Variants in UNC13C observed in about 807,000 individuals in gnomAD.
The protein encoded by UNC13C is unc-13 homolog C.
Under a neutral mutation model 245.4 loss-of-function variants are expected in UNC13C, and 174 were observed. That is an observed-to-expected ratio of 0.71 (90% confidence interval 0.63 to 0.80). The LOEUF is 0.80. UNC13C is among the 30% of genes least tolerant of loss of function. The pLI, the probability that UNC13C is intolerant of heterozygous loss-of-function variation, is 0.00. For synonymous variants in UNC13C, 992 were observed against 895.1 expected (o/e 1.11, Z -1.93); for missense variants, 2,829 against 2,602.9 (o/e 1.09, Z -1.89).
chr15:54,323,621 G>C (rs1223079122), intron 14 of UNC13C, among the ~76,000 whole-genome samples: 1 of 151,944 alleles, frequency 6.6e-6, no homozygotes, highest in Non-Finnish European at 1.5e-5. Context: ...TACAGTATCA[G>C]CTACTTTTGT....
At chr15:54,225,038 T>C (rs950667028) in intron 4 of UNC13C, among the ~76,000 whole-genome samples, 2 of 151,350 alleles carry the variant, frequency 1.3e-5, no homozygotes, top group African/African-American at 2.4e-5. Flanking sequence ...TTTTTTTTTT[T>C]TTCTTATTTA....
At chr15:54,457,895 TTTTTTTTTTTCC>T (rs1891621249) in intron 19 of UNC13C, among the ~76,000 whole-genome samples, 1 of 150,984 alleles carries the variant, frequency 6.6e-6, no homozygotes, top group Non-Finnish European at 1.5e-5. Flanking sequence ...GCTTTTCGTT[TTTTTTTTTTTCC>T]TTTTTTTTTT....
chr15:54,487,837 A>C (rs1000238419), intron 19 of UNC13C, among the ~76,000 whole-genome samples: 1 of 151,088 alleles, frequency 6.6e-6, no homozygotes, highest in African/African-American at 2.4e-5. Context: ...TACAATTGTG[A>C]CTAATCTTTC....
At chr15:54,038,604 A>C (rs1185992334) in intron 2 of UNC13C, among the ~76,000 whole-genome samples, 1 of 152,136 alleles carries the variant, frequency 6.6e-6, no homozygotes, top group Non-Finnish European at 1.5e-5. Flanking sequence ...TCTTTATGAA[A>C]ACTTTGATAA....
At chr15:54,510,359 T>G (rs1316848219) in intron 23 of UNC13C, among the ~76,000 whole-genome samples, 1 of 152,110 alleles carries the variant, frequency 6.6e-6, no homozygotes, top group Non-Finnish European at 1.5e-5. Flanking sequence ...GTTTGTGGAT[T>G]TTGGTTCAAG....
At chr15:53,965,028 C>G in the UNC13C span, among the ~76,000 whole-genome samples, 1 of 152,138 alleles carries the variant, frequency 6.6e-6, no homozygotes, top group Non-Finnish European at 1.5e-5. Flanking sequence ...TCTGATTATA[C>G]TAATAAGTCC....
At chr15:54,358,720 C>A (rs2039156911) in intron 17 of UNC13C, among the ~76,000 whole-genome samples, 1 of 151,900 alleles carries the variant, frequency 6.6e-6, no homozygotes. Context: ...TTTGTGGAGT[C>A]TTTGGGATTT....
In UNC13C at chr15:54,247,401, CT is replaced by C. The variant is rs1382625075; in HGVS notation, c.3229-2823del. Among the ~76,000 whole-genome samples, 19 of 152,230 alleles carry C rather than the reference CT, an allele frequency of 1.2e-4. No homozygotes were observed. In the East Asian group the frequency reaches 3.5e-3, roughly 28 times the overall value. The stretch of plus-strand genomic sequence containing the variant: ...TCTTGCTCCAAGATGCATTATCCCC[CT>C]GAAATACAAGAATCCTCTATTATGA... On this transcript the variant is annotated intron_variant, in intron 7 of 32. Coordinates refer to ENST00000260323, the MANE Select transcript of UNC13C (RefSeq NM_001080534.3).
At chr15:54,556,892 G>A (rs1897114477) in intron 29 of UNC13C, among the ~76,000 whole-genome samples, 1 of 151,956 alleles carries the variant, frequency 6.6e-6, no homozygotes, top group African/African-American at 2.4e-5. Context: ...AATAGGGAAT[G>A]GTATTCACTG....
At chr15:54,521,698 T>A (rs556249039) in intron 24 of UNC13C, among the ~76,000 whole-genome samples, 2 of 152,222 alleles carry the variant, frequency 1.3e-5, no homozygotes, top group African/African-American at 4.8e-5. Context: ...GGCAATGAGA[T>A]AGATATTTGA....
chr15:54,168,320 A>G (rs1045844042), intron 4 of UNC13C, among the ~76,000 whole-genome samples: 1 of 152,212 alleles, frequency 6.6e-6, no homozygotes, highest in Non-Finnish European at 1.5e-5. Context: ...CGGTTTACTC[A>G]GATTAGTGTG....
chr15:54,547,836 T>C (rs1232166111), intron 27 of UNC13C, among the ~76,000 whole-genome samples: 2 of 152,182 alleles, frequency 1.3e-5, no homozygotes, highest in African/African-American at 2.4e-5. Context: ...CTTCAATACA[T>C]AATATATTTC....
chr15:54,355,033 A>G (rs1439490123), intron 17 of UNC13C, among the ~76,000 whole-genome samples: 1 of 152,128 alleles, frequency 6.6e-6, no homozygotes, highest in South Asian at 2.1e-4. Context: ...GGCCTGAACT[A>G]TCATGTTCAG....
rs116965016 is a variant in UNC13C at position 54,047,901 on chromosome 15, A to G, written c.2983+32015A>G. 6.7e-3 allele frequency among the ~76,000 whole-genome samples: 1,021 copies of G among 152,316 alleles called. 4 individuals are homozygous for G. The highest frequency in any genetic ancestry group is 0.011 in the Non-Finnish European group (745 of 67,996). On this transcript the variant is annotated intron_variant, in intron 2 of 32. Transcript: ENST00000260323. ...CAGGCTGAAGATTCAGGGATGAAAT[A>G]ATGGGCAAAAAACTGAAATATAATT...
the UNC13C span, among the ~76,000 whole-genome samples, chr15:53,855,649 G>A: frequency 3.5e-4 from 53 of 151,906 alleles, no homozygotes; most frequent in African/African-American, 1.2e-3. Context: ...ATGAATGATC[G>A]TGGTGCATAA....
the UNC13C span, among the ~76,000 whole-genome samples, chr15:53,844,882 A>T: frequency 2.0e-5 from 3 of 152,152 alleles, no homozygotes; most frequent in Non-Finnish European, 4.4e-5. Context: ...TTGGACAAGG[A>T]GAGAGTGTTT....
the UNC13C span, among the ~76,000 whole-genome samples, chr15:53,880,295 A>G: frequency 6.6e-6 from 1 of 152,224 alleles, no homozygotes; most frequent in Non-Finnish European, 1.5e-5. Flanking sequence ...CAACTACATT[A>G]TAAAGATTGA....
intron 4 of UNC13C, among the ~76,000 whole-genome samples, chr15:54,203,946 A>C (rs972852137): frequency 2.1e-5 from 3 of 145,416 alleles, no homozygotes; most frequent in African/African-American, 7.5e-5. Flanking sequence ...ACACACACAC[A>C]ATGGAATGCT....
chr15:54,348,396 A>G (rs182076725), intron 17 of UNC13C, among the ~76,000 whole-genome samples: 15 of 152,294 alleles, frequency 9.8e-5, no homozygotes, highest in African/African-American at 3.4e-4. Context: ...CCATGGTAAC[A>G]TTGAGTTTAG....
Sources: allele counts gnomAD v4.1 joint callset (sites outside exome capture counted in the v4.1 genomes callset), GRCh38; gene constraint gnomAD v4.1.1; transcripts MANE v1.5; gene names NCBI Gene and HGNC (gene_info 2026-07-23, HGNC 2026-07-21).